PTPN4: variants seen among roughly 807,000 people sequenced by gnomAD.
PTPN4 encodes tyrosine-protein phosphatase non-receptor type 4.
PTPN4 carries 49 observed loss-of-function variants against 135.5 expected under a neutral mutation model. The observed-to-expected ratio is 0.36, with a 90% CI of 0.29 to 0.46. PTPN4 has a LOEUF of 0.46. PTPN4 is among the 20% of genes least tolerant of loss of function. The pLI, the probability that PTPN4 is intolerant of heterozygous loss-of-function variation, is 1.00. For missense variants in PTPN4, 860 were observed against 1,101.0 expected (o/e 0.78, Z 3.10); for synonymous variants, 333 against 369.9 (o/e 0.90, Z 1.14).
intron 22 of PTPN4, 86 bp from the exon 23 acceptor site, chr2:119,960,721 A>G (rs956010247): frequency 1.5e-5 from 21 of 1,360,220 alleles, no homozygotes; most frequent in African/African-American, 2.9e-5. Flanking sequence ...TGTATTCACT[A>G]TAACAGTTAG....
chr2:119,976,682 T>G (rs1679622571), intron 26 of PTPN4, among the ~76,000 whole-genome samples: 1 of 152,230 alleles, frequency 6.6e-6, no homozygotes, highest in African/African-American at 2.4e-5. Flanking sequence ...GAAGTGGGAT[T>G]GCTGGGTGAA....
intron 2 of PTPN4, among the ~76,000 whole-genome samples, chr2:119,850,420 G>A (rs1210179841): frequency 6.6e-6 from 1 of 152,218 alleles, no homozygotes; most frequent in African/African-American, 2.4e-5. Context: ...TGCCCTGCAG[G>A]CTTTGGGTGG....
chr2:119,924,710 A>G (rs1678794353), intron 12 of PTPN4, among the ~76,000 whole-genome samples: 1 of 131,248 alleles, frequency 7.6e-6, no homozygotes, highest in South Asian at 2.5e-4. Context: ...TTCTTTCATT[A>G]ATTTTAAAAA....
chr2:119,766,683 G>T (rs1447991112), intron 1 of PTPN4, among the ~76,000 whole-genome samples: 4 of 152,208 alleles, frequency 2.6e-5, no homozygotes, highest in African/African-American at 9.6e-5. Flanking sequence ...ATGATGCAAA[G>T]TTACAAGGAT....
At chr2:119,806,583 C>T (rs1405719388) in intron 1 of PTPN4, among the ~76,000 whole-genome samples, 6 of 152,104 alleles carry the variant, frequency 3.9e-5, no homozygotes, top group African/African-American at 1.4e-4. Flanking sequence ...AAAACAAGTC[C>T]TTAGAGACCT....
At chr2:119,768,131 T>G (rs541560540) in intron 1 of PTPN4, among the ~76,000 whole-genome samples, 12 of 152,336 alleles carry the variant, frequency 7.9e-5, no homozygotes, top group African/African-American at 2.9e-4. Context: ...CTGGATTTGT[T>G]TCTGTTTAGT....
At chr2:119,868,560 G>A (rs933727980) in intron 3 of PTPN4, among the ~76,000 whole-genome samples, 2 of 152,170 alleles carry the variant, frequency 1.3e-5, no homozygotes, top group African/African-American at 2.4e-5. Flanking sequence ...TAATGCCCAC[G>A]TTGGAAGGTT....
intron 3 of PTPN4, among the ~76,000 whole-genome samples, chr2:119,870,097 G>C (rs1677888756): frequency 6.6e-6 from 1 of 152,136 alleles, no homozygotes; most frequent in Admixed American, 6.5e-5. Flanking sequence ...TTTTTCTTTA[G>C]CAATATGATT....
chr2:119,797,013 T>C (rs939118493), intron 1 of PTPN4, among the ~76,000 whole-genome samples: 2 of 152,218 alleles, frequency 1.3e-5, no homozygotes, highest in African/African-American at 2.4e-5. Context: ...ATATCTTCTT[T>C]GGTGAAGTAT....
chr2:119,925,156 A>T (rs1678802820), intron 12 of PTPN4, among the ~76,000 whole-genome samples: 2 of 152,130 alleles, frequency 1.3e-5, no homozygotes, highest in African/African-American at 4.8e-5. Flanking sequence ...CATCTACAGG[A>T]TGCTCTTTCT....
intron 2 of PTPN4, among the ~76,000 whole-genome samples, chr2:119,855,544 C>T (rs991292605): frequency 6.6e-6 from 1 of 152,106 alleles, no homozygotes; most frequent in African/African-American, 2.4e-5. Flanking sequence ...TAAGGATATC[C>T]GTCTTTAGGA....
At position 119,984,513 on chromosome 2, in the gene PTPN4, A is replaced by G. The variant is rs1239379723; in HGVS notation, c.*7443A>G. Among the ~76,000 whole-genome samples the G allele has an allele frequency of 1.3e-5, 2 of 152,210 alleles. No homozygotes were observed. The highest frequency in any genetic ancestry group is 2.4e-5 in the African/African-American group (1 of 41,452). ...TCCATATGATCTCATAATTGAGGCAAAGAAGCTAAGGGTTTATTTAAAATG... is the reference window on the plus strand; with the variant it reads ...TCCATATGATCTCATAATTGAGGCAGAGAAGCTAAGGGTTTATTTAAAATG... On this transcript the variant is annotated 3_prime_UTR_variant, in exon 27 of 27. Coordinates refer to ENST00000263708, the MANE Select transcript of PTPN4 (RefSeq NM_002830.4).
intron 12 of PTPN4, among the ~76,000 whole-genome samples, chr2:119,924,524 T>C (rs911847207): frequency 1.5e-4 from 23 of 152,150 alleles, no homozygotes; most frequent in Non-Finnish European, 2.8e-4. Context: ...GAATAACTTA[T>C]AATAAGCCTA....
chr2:119,769,401 C>T (rs1315888193), intron 1 of PTPN4, among the ~76,000 whole-genome samples: 2 of 152,276 alleles, frequency 1.3e-5, no homozygotes, highest in African/African-American at 2.4e-5. Context: ...TATGAACTCC[C>T]CAGGTCTCAT....
intron 3 of PTPN4, among the ~76,000 whole-genome samples, chr2:119,863,724 A>C (rs1677792764): frequency 6.6e-6 from 1 of 152,138 alleles, no homozygotes; most frequent in African/African-American, 2.4e-5. Flanking sequence ...CGAGGATGAC[A>C]CAAAGAAAAA....
chr2:119,872,623 C>G (rs1253106352), intron 3 of PTPN4, among the ~76,000 whole-genome samples: 4 of 152,144 alleles, frequency 2.6e-5, no homozygotes, highest in Non-Finnish European at 5.9e-5. Context: ...TTCCTGACTA[C>G]CACTACTCCC....
In PTPN4 at chr2:119,978,840, A is replaced by G. The variant is rs1221684474; in HGVS notation, c.*1770A>G. ...TTAAATCTTTGGTATAATCTAAACGATGTCATTTCAGACATTCAAAACTCA... is the reference window on the plus strand; with the variant it reads ...TTAAATCTTTGGTATAATCTAAACGGTGTCATTTCAGACATTCAAAACTCA... On this transcript the variant is annotated 3_prime_UTR_variant, in exon 27 of 27. Coordinates refer to ENST00000263708, the MANE Select transcript of PTPN4 (RefSeq NM_002830.4). 6.6e-6 allele frequency: 1 copy of G among 152,142 alleles called. No individual in the cohort carries two copies. Among genetic ancestry groups the G allele is most frequent in the Non-Finnish European group, 1.5e-5 (1 of 67,970 alleles). 9.4% of individuals were successfully genotyped at this position (152,142 alleles called of 1,614,324 possible).
Position 119,945,145 on chromosome 2 carries a change from A to G in PTPN4, c.1420A>G (p.Ser474Gly). The G allele has an allele frequency of 6.2e-7, 1 of 1,605,280 alleles. No homozygotes were observed. The highest frequency in any genetic ancestry group is 2.3e-5 in the East Asian group (1 of 44,230). Residue 474 changes from serine to glycine, a missense_variant, in exon 16 of 27, where the codon AGT (serine) becomes GGT (glycine). By Grantham distance (56) the Ser-to-Gly change is moderately conservative. Transcript: ENST00000263708. ...ACCACCCAAACAGTCAAAGAAAAAC[A>G]GTTGGAACCAAATTCATTATTCACA... ...ALPPKQSKKNSWNQIHYSHSQ... is the reference protein window; with the variant it reads ...ALPPKQSKKNGWNQIHYSHSQ...
At chr2:119,971,981 A>G (rs1050658046) in intron 26 of PTPN4, among the ~76,000 whole-genome samples, 6 of 152,220 alleles carry the variant, frequency 3.9e-5, no homozygotes, top group African/African-American at 7.2e-5. Context: ...TAGACTTCCA[A>G]TTCTATTCCA....
Sources: gnomAD v4.1 joint callset for allele counts (sites outside exome capture counted in the v4.1 genomes callset) on GRCh38, gnomAD v4.1.1 for gene constraint, MANE v1.5 for transcripts, NCBI Gene and HGNC (gene_info 2026-07-23, HGNC 2026-07-21) for gene names.